SYN3: variants seen among roughly 807,000 people sequenced by gnomAD.
The protein encoded by SYN3 is synapsin-3.
SYN3 carries 35 observed loss-of-function variants against 65.8 expected under a neutral mutation model. That is an observed-to-expected ratio of 0.53 (90% CI 0.41 to 0.70). SYN3 has a LOEUF of 0.70. Ranked by LOEUF, SYN3 falls within the 30% of genes least tolerant of loss-of-function variation. The probability of loss-of-function intolerance (pLI) is 0.00; values close to 1 mark genes in which losing one functional copy is unlikely to be tolerated. For synonymous variants in SYN3, 270 were observed against 292.9 expected (o/e 0.92, Z 0.80); for missense variants, 680 against 749.0 (o/e 0.91, Z 1.08).
chr22:33,058,039 C>A (rs1426490657), intron 1 of SYN3, among the ~76,000 whole-genome samples: 1 of 152,076 alleles, frequency 6.6e-6, no homozygotes, highest in East Asian at 1.9e-4. Flanking sequence ...CGGCAGACGG[C>A]CCCCGCACGC....
intron 6 of SYN3, among the ~76,000 whole-genome samples, chr22:32,647,755 C>T (rs529606096): frequency 6.2e-4 from 95 of 152,176 alleles, no homozygotes; most frequent in African/African-American, 2.1e-3. Context: ...ATTACAGGTG[C>T]GCGCCACCAT....
At chr22:32,688,250 C>T (rs16990993) in intron 6 of SYN3, among the ~76,000 whole-genome samples, 1,960 of 152,278 alleles carry the variant, frequency 0.013, 42 homozygotes, top group African/African-American at 0.045. Context: ...TGACTCCATG[C>T]GTCTGTGGCT....
chr22:32,720,757 C>T (rs914765031), intron 6 of SYN3, among the ~76,000 whole-genome samples: 1 of 152,220 alleles, frequency 6.6e-6, no homozygotes, highest in Non-Finnish European at 1.5e-5. Flanking sequence ...TACAAGGAAA[C>T]TGTTGTTATT....
intron 1 of SYN3, among the ~76,000 whole-genome samples, chr22:33,035,943 C>A (rs530681850): frequency 6.6e-6 from 1 of 152,224 alleles, no homozygotes; most frequent in East Asian, 1.9e-4. Flanking sequence ...GCTTATCTTC[C>A]CAGGTCCAGG....
At chr22:33,008,331 A>G (rs2053250476) in intron 1 of SYN3, among the ~76,000 whole-genome samples, 1 of 152,154 alleles carries the variant, frequency 6.6e-6, no homozygotes, top group African/African-American at 2.4e-5. Context: ...ATACTGGTAT[A>G]ATGTTTATTA....
At chr22:32,730,127 C>T (rs902713263) in intron 6 of SYN3, among the ~76,000 whole-genome samples, 2 of 152,192 alleles carry the variant, frequency 1.3e-5, no homozygotes, top group Non-Finnish European at 2.9e-5. Context: ...CTATAGAAGT[C>T]ACCTAGTCTA....
intron 7 of SYN3, among the ~76,000 whole-genome samples, chr22:32,584,420 T>A (rs1337371936): frequency 6.6e-6 from 1 of 152,154 alleles, no homozygotes; most frequent in Non-Finnish European, 1.5e-5. Flanking sequence ...CACCGGGTGA[T>A]GTGTGCCCCA....
At chr22:32,565,120 C>T (rs1458530801) in intron 7 of SYN3, among the ~76,000 whole-genome samples, 1 of 151,868 alleles carries the variant, frequency 6.6e-6, no homozygotes, top group Middle Eastern at 3.2e-3. Flanking sequence ...AGACAGTGCT[C>T]CCGGACTGCA....
intron 3 of SYN3, among the ~76,000 whole-genome samples, chr22:32,937,157 G>A (rs1309279501): frequency 6.6e-6 from 1 of 152,132 alleles, no homozygotes; most frequent in Admixed American, 6.5e-5. Flanking sequence ...AGAAACAGAC[G>A]TGGAAATGGA....
intron 1 of SYN3, among the ~76,000 whole-genome samples, chr22:33,049,122 T>G (rs1417492399): frequency 6.6e-6 from 1 of 152,226 alleles, no homozygotes; most frequent in Non-Finnish European, 1.5e-5. Context: ...ACACATGATT[T>G]TCACACCATA....
chr22:32,692,839 T>G (rs2060684424), intron 6 of SYN3, among the ~76,000 whole-genome samples: 1 of 152,318 alleles, frequency 6.6e-6, no homozygotes, highest in Non-Finnish European at 1.5e-5. Flanking sequence ...AAAATACAGG[T>G]GTACTACATG....
chr22:32,676,801 C>T (rs2147092703), intron 6 of SYN3, among the ~76,000 whole-genome samples: 1 of 152,058 alleles, frequency 6.6e-6, no homozygotes, highest in East Asian at 1.9e-4. Flanking sequence ...CCTCGGCCTC[C>T]CAAAGTGCTG....
intron 6 of SYN3, among the ~76,000 whole-genome samples, chr22:32,720,438 A>C (rs1233910809): frequency 6.6e-6 from 1 of 152,198 alleles, no homozygotes; most frequent in Non-Finnish European, 1.5e-5. Context: ...GAAATGCCCA[A>C]GTGACTTGCC....
chr22:32,999,485 G>A (rs902454844), intron 2 of SYN3, among the ~76,000 whole-genome samples: 4 of 152,126 alleles, frequency 2.6e-5, no homozygotes, highest in South Asian at 2.1e-4. Context: ...AGGAGTTCGA[G>A]ATCAACCTGG....
In SYN3 at chr22:32,640,589, G is replaced by A. The variant is rs577381010; in HGVS notation, c.712-43853C>T. 1.1e-4 allele frequency among the ~76,000 whole-genome samples: 17 copies of A among 152,238 alleles called. 1 individual carries two copies. Among genetic ancestry groups the A allele is most frequent in the South Asian group, 6.2e-4 (3 of 4,822 alleles). On this transcript the variant is annotated intron_variant, in intron 6 of 13. Coordinates refer to ENST00000358763, the MANE Select transcript of SYN3 (RefSeq NM_003490.4). ...TTCATAAATCTATTCATATTTGGCC[G>A]GGTGCGGTGGCTCACGCCTGTAATC...
At chr22:32,709,418 C>A (rs1238088814) in intron 6 of SYN3, among the ~76,000 whole-genome samples, 1 of 152,096 alleles carries the variant, frequency 6.6e-6, no homozygotes, top group Non-Finnish European at 1.5e-5. Flanking sequence ...AAAACCAAAC[C>A]CAAGTGGATC....
At chr22:32,965,506 T>G (rs1253816740) in intron 3 of SYN3, among the ~76,000 whole-genome samples, 3 of 151,952 alleles carry the variant, frequency 2.0e-5, no homozygotes, top group Non-Finnish European at 4.4e-5. Flanking sequence ...TGTACCCTAC[T>G]TTCACGGCTT....
At chr22:32,587,222 C>CAA (rs11341864) in intron 7 of SYN3, among the ~76,000 whole-genome samples, 4,535 of 86,176 alleles carry the variant, frequency 0.053, 245 homozygotes, top group African/African-American at 0.12. Flanking sequence ...GCTCTTATCT[C>CAA]AAAAAAAAAA....
chr22:32,743,402 C>T (rs2044831944), intron 6 of SYN3, among the ~76,000 whole-genome samples: 1 of 152,122 alleles, frequency 6.6e-6, no homozygotes, highest in African/African-American at 2.4e-5. Flanking sequence ...AGCTAGTGGC[C>T]TAGAATCCCT....
Sources: gnomAD v4.1 joint callset for allele counts (sites outside exome capture counted in the v4.1 genomes callset) on GRCh38, gnomAD v4.1.1 for gene constraint, MANE v1.5 for transcripts, NCBI Gene and HGNC (gene_info 2026-07-23, HGNC 2026-07-21) for gene names.